CHRM3: variants seen among roughly 807,000 people sequenced by gnomAD.
CHRM3 encodes cholinergic receptor muscarinic 3.
A neutral mutation model predicts 41.8 loss-of-function variants in CHRM3; 11 were observed. That is an observed-to-expected ratio of 0.26 (90% confidence interval 0.17 to 0.44). CHRM3 has a LOEUF of 0.44. CHRM3 is among the 20% of genes least tolerant of loss of function. The pLI is 1.00. For synonymous variants in CHRM3, 297 were observed against 301.4 expected, an observed-to-expected ratio of 0.99 and a Z score of 0.15; for missense variants, 571 against 745.4, an observed-to-expected ratio of 0.77 and a Z score of 2.72.
chr1:239,801,956 T>C (rs1482691009), intron 5 of CHRM3, among the ~76,000 whole-genome samples: 2 of 152,140 alleles, frequency 1.3e-5, no homozygotes, highest in Non-Finnish European at 2.9e-5. Context: ...CCTACGGACA[T>C]ACCCAGTGAC....
At chr1:239,797,884 C>CA (rs1022627312) in intron 5 of CHRM3, among the ~76,000 whole-genome samples, 3 of 151,888 alleles carry the variant, frequency 2.0e-5, no homozygotes, top group Admixed American at 2.0e-4. Flanking sequence ...CCTGTCTCTA[C>CA]AAAAAAATTA....
intron 6 of CHRM3, among the ~76,000 whole-genome samples, chr1:239,834,779 ATT>A (rs1673178559): frequency 6.6e-6 from 1 of 152,052 alleles, no homozygotes; most frequent in Admixed American, 6.5e-5. Flanking sequence ...TAGGTTGAAA[ATT>A]GTTCAGATTT....
At position 239,787,621 on chromosome 1, in the gene CHRM3, C is replaced by G. The variant is rs571785429; in HGVS notation, c.-146-39631C>G. Among the ~76,000 whole-genome samples the G allele has an allele frequency of 7.9e-5, 12 of 152,138 alleles. No individual in the cohort carries two copies. The South Asian group carries it at 1.9e-3, about 24-fold the overall frequency. On this transcript the variant is annotated intron_variant, in intron 5 of 6. Transcript: ENST00000676153. Reference sequence around the variant, plus strand: ...GTTCAGTAAAGTGAAACAGGCAGACCCAGATTGCAATGTGATCGTGCTGGC... The same window carrying G: ...GTTCAGTAAAGTGAAACAGGCAGACGCAGATTGCAATGTGATCGTGCTGGC...
chr1:239,630,895 C>T (rs960868187), intron 3 of CHRM3, among the ~76,000 whole-genome samples: 10 of 149,946 alleles, frequency 6.7e-5, no homozygotes, highest in Non-Finnish European at 1.3e-4. Flanking sequence ...TAGGGAGGGC[C>T]GGGGGAGGGC....
rs191254956 is a variant in CHRM3 at position 239,436,870 on chromosome 1, A to C, written c.-521+49643A>C. Among the ~76,000 whole-genome samples the C allele has an allele frequency of 6.1e-4, 92 of 152,006 alleles. 1 individual carries two copies. Among genetic ancestry groups the C allele is most frequent in the Non-Finnish European group, 1.1e-3 (76 of 67,996 alleles). ...TAACGGATGCTGTTACTCCGTCTTC[A>C]TGGGGACTGGTGCTTTTGCCTATCT... On this transcript the variant is annotated intron_variant, in intron 1 of 6. Transcript: ENST00000676153.
Position 239,760,686 on chromosome 1 carries a change from G to A in CHRM3, c.-146-66566G>A, listed in dbSNP as rs76835721. Among the ~76,000 whole-genome samples the A allele has an allele frequency of 8.2e-3, 1,252 of 152,188 alleles. 15 individuals are homozygous for A. Among genetic ancestry groups the A allele is most frequent in the African/African-American group, 0.028 (1,158 of 41,530 alleles). ...TTCCTTTGAGTTCTTTAAAGGGGCC[G>A]CTCTGCTCATGTGTGGTTTGCATTG... is the stretch of plus-strand genomic sequence containing the variant. On this transcript the variant is annotated intron_variant, in intron 5 of 6. Coordinates refer to ENST00000676153, the MANE Select transcript of CHRM3 (RefSeq NM_001375978.1).
intron 3 of CHRM3, among the ~76,000 whole-genome samples, chr1:239,611,890 ATGAAG>A (rs1426833248): frequency 1.3e-5 from 2 of 152,242 alleles, no homozygotes; most frequent in Non-Finnish European, 2.9e-5. Context: ...TGACAAAAAA[ATGAAG>A]TGAATAACAC....
At position 239,630,924 on chromosome 1, in the gene CHRM3, C is replaced by A. The variant is rs540879429; in HGVS notation, c.-312-1300C>A. Among the ~76,000 whole-genome samples the A allele has an allele frequency of 2.6e-5, 4 of 152,130 alleles. No individual in the cohort carries two copies. In the South Asian group the frequency reaches 8.3e-4, roughly 32 times the overall value. On this transcript the variant is annotated intron_variant, in intron 3 of 6. Transcript: ENST00000676153. ...GGAGGGCAGCAGTGGGGAAGGAGAT[C>A]TTGGGAGAGGAGGAGTCTGAGAGGC...
intron 5 of CHRM3, among the ~76,000 whole-genome samples, chr1:239,771,261 G>A (rs182244929): frequency 7.2e-5 from 11 of 151,884 alleles, no homozygotes; most frequent in South Asian, 2.1e-4. Context: ...ATAATTCCTC[G>A]CAAATATCTC....
chr1:239,590,928 T>C (rs1439548069), intron 3 of CHRM3, among the ~76,000 whole-genome samples: 2 of 152,136 alleles, frequency 1.3e-5, no homozygotes, highest in Admixed American at 6.5e-5. Flanking sequence ...TATAATCCCA[T>C]TGTAGGATAT....
chr1:239,748,319 A>G lies in CHRM3; in HGVS notation c.-147+70031A>G, dbSNP rs1015384776. On this transcript the variant is annotated intron_variant, in intron 5 of 6. Transcript: ENST00000676153. This position sits in a 1 kb window ranked among gnomAD's most constrained non-coding sequence, Gnocchi z 4.3. ...TTTGTTTCCTTTTGGTTTTGCAAAC[A>G]TCACTTCTCTCTTACGATGCAGTCA... Among the ~76,000 whole-genome samples the G allele has an allele frequency of 1.1e-4, 17 of 152,206 alleles. No individual in the cohort carries two copies. Among genetic ancestry groups the G allele is most frequent in the Admixed American group, 5.9e-4 (9 of 15,286 alleles).
chr1:239,508,675 G>A (rs1224993356), intron 2 of CHRM3, among the ~76,000 whole-genome samples: 3 of 152,076 alleles, frequency 2.0e-5, no homozygotes, highest in Non-Finnish European at 4.4e-5. Flanking sequence ...GAGCTTATTA[G>A]CGAAGTGCTT....
In CHRM3 at chr1:239,792,441, G is replaced by A. The variant is rs141364827; in HGVS notation, c.-146-34811G>A. Among the ~76,000 whole-genome samples, 505 of 152,256 alleles carry A rather than the reference G, an allele frequency of 3.3e-3. 5 individuals are homozygous for A. Among genetic ancestry groups the A allele is most frequent in the African/African-American group, 0.012 (490 of 41,552 alleles). The stretch of plus-strand genomic sequence containing the variant: ...GCTGGTTTGCCAGGCTCTGGGTGAG[G>A]TCTTGGGGTTGACAGAGAAAAAAAG... On this transcript the variant is annotated intron_variant, in intron 5 of 6. Transcript: ENST00000676153.
At chr1:239,613,815 A>G (rs1057395769) in intron 3 of CHRM3, among the ~76,000 whole-genome samples, 1 of 151,850 alleles carries the variant, frequency 6.6e-6, no homozygotes, top group Non-Finnish European at 1.5e-5. Flanking sequence ...ACCCGCAGTA[A>G]TGACTCCAGT....
chr1:239,618,655 T>G (rs188223358), intron 3 of CHRM3, among the ~76,000 whole-genome samples: 1 of 151,262 alleles, frequency 6.6e-6, no homozygotes, highest in South Asian at 2.1e-4. Context: ...CCATCCTGGC[T>G]AACACGGTGA....
Position 239,397,556 on chromosome 1 carries a change from C to T in CHRM3, c.-521+10329C>T, listed in dbSNP as rs192494081. ...GCGTGCTGGCACATGCATGTAGTCCCAGCTACTTGGGAGGCTGAGGCAGGA... is the reference window on the plus strand; with the variant it reads ...GCGTGCTGGCACATGCATGTAGTCCTAGCTACTTGGGAGGCTGAGGCAGGA... On this transcript the variant is annotated intron_variant, in intron 1 of 6. Transcript: ENST00000676153. Among the ~76,000 whole-genome samples the T allele has an allele frequency of 5.8e-4, 88 of 151,904 alleles. 1 individual carries two copies. Among genetic ancestry groups the T allele is most frequent in the African/African-American group, 2.1e-3 (86 of 41,492 alleles).
intron 4 of CHRM3, among the ~76,000 whole-genome samples, chr1:239,644,046 A>G (rs1165577904): frequency 6.6e-6 from 1 of 152,248 alleles, no homozygotes; most frequent in African/African-American, 2.4e-5. Flanking sequence ...TCTAACAGCT[A>G]TTACTTTCTT....
In CHRM3 at chr1:239,807,027, T is replaced by A. The variant is rs1265843398; in HGVS notation, c.-146-20225T>A. Among the ~76,000 whole-genome samples, 3 of 152,210 alleles carry A rather than the reference T, an allele frequency of 2.0e-5. No individual in the cohort carries two copies. The East Asian group carries it at 5.8e-4, about 29-fold the overall frequency. ...TTTTGATGGTGATAATAATGAAAATTTCCATTAATATAATTTCTTTATTTG... is the reference window on the plus strand; with the variant it reads ...TTTTGATGGTGATAATAATGAAAATATCCATTAATATAATTTCTTTATTTG... On this transcript the variant is annotated intron_variant, in intron 5 of 6. Transcript: ENST00000676153.
At chr1:239,440,506 G>A (rs1194001067) in intron 1 of CHRM3, among the ~76,000 whole-genome samples, 1 of 152,132 alleles carries the variant, frequency 6.6e-6, no homozygotes, top group Non-Finnish European at 1.5e-5. Flanking sequence ...ACCAGAAAAT[G>A]CAGGTAGGAA....
Sources: allele counts gnomAD v4.1 joint callset (sites outside exome capture counted in the v4.1 genomes callset), GRCh38; gene constraint gnomAD v4.1.1; non-coding constraint Gnocchi (gnomAD v3.1); transcripts MANE v1.5; gene names NCBI Gene and HGNC (gene_info 2026-07-23, HGNC 2026-07-21).